The following ENPP4 variants were observed in gnomAD, a reference collection of about 807,000 sequenced individuals.
ENPP4 encodes ectonucleotide pyrophosphatase/phosphodiesterase 4.
ENPP4 carries 18 observed loss-of-function variants against 33.4 expected under a neutral mutation model. That is an observed-to-expected ratio of 0.54 (90% CI 0.37 to 0.80). The LOEUF (loss-of-function observed/expected upper bound fraction) is 0.80, where lower values mean the gene tolerates loss of function less well. Among genes scored for constraint, ENPP4 ranks in the 30% least tolerant of loss-of-function variants. The pLI is 0.00. For missense variants in ENPP4, 480 were observed against 541.7 expected, an observed-to-expected ratio of 0.89 and a Z score of 1.13; for synonymous variants, 172 against 189.9, an observed-to-expected ratio of 0.91 and a Z score of 0.78.
intron 1 of ENPP4, among the ~76,000 whole-genome samples, 197 bp downstream of exon 1, chr6:46,130,386 G>A (rs952880643): frequency 1.3e-5 from 2 of 152,216 alleles, no homozygotes; most frequent in Non-Finnish European, 2.9e-5. Flanking sequence ...GGGCCGAGGC[G>A]GAGGCCAGGA....
chr6:46,140,177 A>T lies in ENPP4; in HGVS notation c.594A>T (p.Glu198Asp), dbSNP rs1356487944. Residue 198 changes from glutamate to aspartate, a missense_variant, in exon 2 of 4, where the codon GAA becomes GAT. Transcript: ENST00000321037. ...CAAGTGGCCACAAATACGGACCTGA[A>T]GATAAAGAAAACATGAGCAGAGTGT... ...PDASGHKYGPEDKENMSRVLK... is the reference protein window; with the variant it reads ...PDASGHKYGPDDKENMSRVLK... The T allele has an allele frequency of 6.2e-7, 1 of 1,612,722 alleles. No homozygotes were observed. The highest frequency in any genetic ancestry group is 1.1e-5 in the South Asian group (1 of 91,054).
chr6:46,132,913 G>T (rs1166400313), intron 1 of ENPP4, among the ~76,000 whole-genome samples: 1 of 151,896 alleles, frequency 6.6e-6, no homozygotes, highest in African/African-American at 2.4e-5. Flanking sequence ...TCTCTTTGAA[G>T]CAATTGTGAA....
intron 1 of ENPP4, among the ~76,000 whole-genome samples, chr6:46,138,999 T>TG (rs1403553345): frequency 6.6e-6 from 1 of 151,878 alleles, no homozygotes; most frequent in Non-Finnish European, 1.5e-5. Context: ...ACATACAGAC[T>TG]GATGGGGGCT....
chr6:46,140,361 T>A lies in ENPP4; in HGVS notation c.778T>A (p.Tyr260Asn). The change falls in exon 2 of 4, where the codon TAC becomes AAC. Residue 260 changes from tyrosine to asparagine, a missense_variant. Tyr to Asn is a moderately radical substitution (Grantham distance 143). Coordinates refer to ENST00000321037, the MANE Select transcript of ENPP4 (RefSeq NM_014936.5). ...GGATTCCTGCATCGATCATTCATAC[T>A]ACACTCTTATAGATTTGAGCCCAGT... ...NLDSCIDHSY[Y>N]TLIDLSPVAA... 6.2e-7 allele frequency: 1 copy of A among 1,604,672 alleles called. No individual in the cohort carries two copies. The highest frequency in any genetic ancestry group is 8.5e-7 in the Non-Finnish European group (1 of 1,176,652).
At position 46,145,260 on chromosome 6, in the gene ENPP4, GC is replaced by G. The variant is rs1242358209; in HGVS notation, c.*1622del. 1 of 253,804 alleles carries G rather than the reference GC, an allele frequency of 3.9e-6. No individual in the cohort carries two copies. Among genetic ancestry groups the G allele is most frequent in the Admixed American group, 5.5e-5 (1 of 18,280 alleles). 15.7% of individuals were successfully genotyped at this position (253,804 alleles called of 1,614,324 possible). A position where few individuals can be genotyped will look rare whatever the true frequency, so the allele number is the denominator to read the frequency against. Reference sequence around the variant, plus strand: ...TATTGAGTCACTGCTAATTTCTTGAGCCTGGTATTTGCTGCCTATTGTATTT... The same window carrying G: ...TATTGAGTCACTGCTAATTTCTTGAGCTGGTATTTGCTGCCTATTGTATTT... On this transcript the variant is annotated 3_prime_UTR_variant, in exon 4 of 4. Transcript: ENST00000321037.
chr6:46,139,742 C>A lies in ENPP4; in HGVS notation c.159C>A (p.Ile53=), dbSNP rs116224700. The part of the protein sequence containing the change: ...NYEFPHLQNF[I]KEGVLVEHVK... ...AATTTCCTCATCTCCAGAATTTTAT[C>A]AAAGAAGGTGTTTTGGTAGAGCATG... The change falls in exon 2 of 4, where the codon ATC becomes ATA. Residue 53 remains isoleucine (I), a synonymous_variant. Coordinates refer to ENST00000321037, the MANE Select transcript of ENPP4 (RefSeq NM_014936.5). The A allele has an allele frequency of 8.7e-6, 14 of 1,611,794 alleles. No individual in the cohort carries two copies. Among genetic ancestry groups the A allele is most frequent in the South Asian group, 2.2e-5 (2 of 91,006 alleles).
rs1171315471 is a variant in ENPP4 at position 46,143,454 on chromosome 6, T to G, written c.1176T>G (p.Thr392=). Residue 392 remains threonine (T), a synonymous_variant, in exon 4 of 4, where the codon ACT becomes ACG. Coordinates refer to ENST00000321037, the MANE Select transcript of ENPP4 (RefSeq NM_014936.5). ...CCAATAATGGGACCTTTGGTCATAC[T>G]AAGTGCTTGTTAGTTGACCAGTGGT... ...PHPNNGTFGH[T]KCLLVDQWCI... 1 of 1,612,644 alleles carries G rather than the reference T, an allele frequency of 6.2e-7. No individual in the cohort carries two copies. Among genetic ancestry groups the G allele is most frequent in the South Asian group, 1.1e-5 (1 of 91,052 alleles).
At position 46,143,643 on chromosome 6, in the gene ENPP4, T is replaced by C; in HGVS notation, c.*3T>C. On this transcript the variant is annotated 3_prime_UTR_variant, in exon 4 of 4. Transcript: ENST00000321037. ...ATGATGATCCTTTAATTGGGTGACA[T>C]GTGCTAGGGCTTATACAAAGTGTCT... 1.2e-6 allele frequency: 2 copies of C among 1,604,538 alleles called. No individual in the cohort carries two copies. Among genetic ancestry groups the C allele is most frequent in the Non-Finnish European group, 8.5e-7 (1 of 1,174,458 alleles).
rs575315649 is a variant in ENPP4, at chr6:46,139,713, T to C, written c.130T>C (p.Tyr44His). The C allele has an allele frequency of 5.6e-6, 9 of 1,611,326 alleles. No homozygotes were observed. Among genetic ancestry groups the C allele is most frequent in the Non-Finnish European group, 7.6e-6 (9 of 1,178,240 alleles). ...DGFRADYLKN[Y>H]EFPHLQNFIK... ...CTTCAGAGCTGATTATCTGAAGAAC[T>C]ATGAATTTCCTCATCTCCAGAATTT... The change falls in exon 2 of 4, where the codon TAT becomes CAT. Residue 44 changes from tyrosine (Y) to histidine (H), a missense_variant. Around this residue, in one of 3 missense-constraint regions of ENPP4, gnomAD observed 227 missense variants for 273.7 expected, o/e 0.83. Transcript: ENST00000321037.
At position 46,139,574 on chromosome 6, in the gene ENPP4, C is replaced by A; in HGVS notation, c.-10C>A. The stretch of plus-strand genomic sequence containing the variant: ...AGGAACCCTGATTGCTGTCCTTCAA[C>A]GTGTTCATTATGAAGTTATTAGTAA... On this transcript the variant is annotated 5_prime_UTR_variant, in exon 2 of 4. Transcript: ENST00000321037. 1 of 1,336,704 alleles carries A rather than the reference C, an allele frequency of 7.5e-7. No individual in the cohort carries two copies. The allele number at this position is 1,336,704 out of a possible 1,614,324, so 82.8% of individuals were successfully genotyped here.
chr6:46,139,782 A>G lies in ENPP4; in HGVS notation c.199A>G (p.Ile67Val), dbSNP rs777076586. The change falls in exon 2 of 4, where the codon ATC becomes GTC. Residue 67 changes from isoleucine (I) to valine (V), a missense_variant. Coordinates refer to ENST00000321037, the MANE Select transcript of ENPP4 (RefSeq NM_014936.5). ...VLVEHVKNVF[I>V]TKTFPNHYSI... ...GGTAGAGCATGTTAAAAATGTTTTT[A>G]TCACAAAAACATTTCCAAACCACTA... is the stretch of plus-strand genomic sequence containing the variant. The G allele has an allele frequency of 3.7e-6, 6 of 1,611,868 alleles. No homozygotes were observed. The South Asian group carries it at 6.6e-5, about 18-fold the overall frequency.
chr6:46,143,377 A>G lies in ENPP4; in HGVS notation c.1099A>G (p.Ile367Val), dbSNP rs756171295. Residue 367 changes from isoleucine to valine, a missense_variant, in exon 4 of 4, where the codon ATT becomes GTT. By Grantham distance (29) the Ile-to-Val change is conservative. Transcript: ENST00000321037. ...HKGYKHSTIN[I>V]VDIYPMMCHI... ...AGGCTACAAGCATAGCACAATTAAC[A>G]TTGTGGATATTTATCCAATGATGTG... The G allele has an allele frequency of 7.4e-6, 12 of 1,612,698 alleles. No individual in the cohort carries two copies. Among genetic ancestry groups the G allele is most frequent in the African/African-American group, 1.3e-5 (1 of 74,932 alleles).
chr6:46,131,301 C>T (rs1463829830), intron 1 of ENPP4, among the ~76,000 whole-genome samples: 1 of 151,836 alleles, frequency 6.6e-6, no homozygotes, highest in Non-Finnish European at 1.5e-5. Flanking sequence ...CAATGCCATC[C>T]CTCCCCCTTC....
chr6:46,143,571 A>T lies in ENPP4; in HGVS notation c.1293A>T (p.Arg431Ser), dbSNP rs758747506. 3.7e-6 allele frequency: 6 copies of T among 1,612,294 alleles called. No homozygotes were observed. In the Admixed American group the frequency reaches 1.0e-4, roughly 27 times the overall value. The stretch of plus-strand genomic sequence containing the variant: ...GCCTCATAATAATCATGCAGAATAG[A>T]CTTTCTGTACCTCGTCCATTTTCTC... ...LTCLIIIMQNRLSVPRPFSRL... is the reference protein window; with the variant it reads ...LTCLIIIMQNSLSVPRPFSRL... Residue 431 changes from arginine (R) to serine (S), a missense_variant, in exon 4 of 4, where the codon AGA (arginine) becomes AGT (serine). This residue lies in a region of ENPP4 where 249 missense variants were observed against 251.8 expected (regional missense o/e 0.99). Coordinates refer to ENST00000321037, the MANE Select transcript of ENPP4 (RefSeq NM_014936.5).
intron 1 of ENPP4, among the ~76,000 whole-genome samples, chr6:46,135,365 G>A (rs768708041): frequency 1.3e-5 from 2 of 151,804 alleles, no homozygotes; most frequent in East Asian, 1.9e-4. Context: ...CTCATCCTTC[G>A]GGGTGTGAAA....
At chr6:46,141,679 A>G (rs570512710) in intron 3 of ENPP4, among the ~76,000 whole-genome samples, 3 of 151,822 alleles carry the variant, frequency 2.0e-5, no homozygotes, top group East Asian at 3.9e-4. Context: ...GTAACCAAAC[A>G]AATCCACCAA....
Position 46,141,073 on chromosome 6 carries a change from A to G in ENPP4, c.848A>G (p.Lys283Arg). 3 of 1,602,818 alleles carry G rather than the reference A, an allele frequency of 1.9e-6. No individual in the cohort carries two copies. The South Asian group carries it at 3.3e-5, about 18-fold the overall frequency. ...TCAGATAGAACAGAGGTTTATAACA[A>G]ACTGAAAAACTGTAGCCCTCATATG... ...PKINRTEVYN[K>R]LKNCSPHMNV... is the part of the protein sequence containing the mutation. The change falls in exon 3 of 4, where the codon AAA becomes AGA. Residue 283 changes from lysine to arginine, a missense_variant. Coordinates refer to ENST00000321037, the MANE Select transcript of ENPP4 (RefSeq NM_014936.5).
chr6:46,138,056 C>T lies in ENPP4; in HGVS notation c.-33-1495C>T, dbSNP rs577903749. ...TACCTGGGACCTCAACATGCATACC[C>T]GTTACCATGTTCAGGGTCTTCTTAG... On this transcript the variant is annotated intron_variant, in intron 1 of 3. Coordinates refer to ENST00000321037, the MANE Select transcript of ENPP4 (RefSeq NM_014936.5). 7.9e-5 allele frequency among the ~76,000 whole-genome samples: 12 copies of T among 151,908 alleles called. No homozygotes were observed. The South Asian group carries it at 1.0e-3, about 13-fold the overall frequency.
intron 1 of ENPP4, among the ~76,000 whole-genome samples, chr6:46,135,055 A>G (rs1054471130): frequency 6.6e-6 from 1 of 152,066 alleles, no homozygotes; most frequent in African/African-American, 2.4e-5. Context: ...CATTATATGG[A>G]TATATTACAT....
Sources: allele counts gnomAD v4.1 joint callset (sites outside exome capture counted in the v4.1 genomes callset), GRCh38; gene constraint gnomAD v4.1.1; regional missense constraint gnomAD v4.1.1; transcripts MANE v1.5; gene names NCBI Gene and HGNC (gene_info 2026-07-23, HGNC 2026-07-21).